ANKH: variants seen among roughly 807,000 people sequenced by gnomAD.
ANKH encodes ANKH inorganic pyrophosphate transport regulator.
A neutral mutation model predicts 49.0 loss-of-function variants in ANKH; 15 were observed. That is an observed-to-expected ratio of 0.31 (90% CI 0.20 to 0.47). The LOEUF (loss-of-function observed/expected upper bound fraction) is 0.47, where lower values mean the gene tolerates loss of function less well. ANKH is among the 20% of genes least tolerant of loss of function. ANKH has a pLI of 1.00. For synonymous variants in ANKH, 273 were observed against 260.0 expected, an observed-to-expected ratio of 1.05 and a Z score of -0.48; for missense variants, 429 against 652.0, an observed-to-expected ratio of 0.66 and a Z score of 3.72.
At chr5:14,857,028 C>G (rs1306652263) in intron 1 of ANKH, among the ~76,000 whole-genome samples, 1 of 152,204 alleles carries the variant, frequency 6.6e-6, no homozygotes, top group Non-Finnish European at 1.5e-5. Context: ...CTGTCTGGAA[C>G]CCTGCAGGAA....
chr5:14,829,132 C>A, intron 1 of ANKH, among the ~76,000 whole-genome samples: 1 of 146,804 alleles, frequency 6.8e-6, no homozygotes, highest in South Asian at 2.1e-4. Context: ...TGCAGTGAGC[C>A]CAAGACTGCG....
At chr5:14,864,670 C>T (rs1283492105) in intron 1 of ANKH, among the ~76,000 whole-genome samples, 1 of 152,200 alleles carries the variant, frequency 6.6e-6, no homozygotes, top group African/African-American at 2.4e-5. Flanking sequence ...CTACTTAATA[C>T]ACAAAGATGT....
At chr5:14,805,821 T>C (rs1384251834) in intron 1 of ANKH, among the ~76,000 whole-genome samples, 1 of 152,036 alleles carries the variant, frequency 6.6e-6, no homozygotes, top group Non-Finnish European at 1.5e-5. Context: ...ATGACCAGTC[T>C]CACACTGGAG....
At chr5:14,831,030 G>T (rs1002010560) in intron 1 of ANKH, among the ~76,000 whole-genome samples, 1 of 152,174 alleles carries the variant, frequency 6.6e-6, no homozygotes, top group Non-Finnish European at 1.5e-5. Flanking sequence ...GGCAAAAAAA[G>T]AATTTTTTGA....
At chr5:14,768,734 TA>T (rs1739329357) in intron 2 of ANKH, 1 of 585,384 alleles carries the variant, frequency 1.7e-6, no homozygotes, top group South Asian at 2.0e-5. Context: ...AATCGCCTAC[TA>T]ATGAAATCAC....
At chr5:14,734,775 C>T (rs570374519) in intron 8 of ANKH, among the ~76,000 whole-genome samples, 2 of 152,236 alleles carry the variant, frequency 1.3e-5, no homozygotes, top group Non-Finnish European at 2.9e-5. Flanking sequence ...TGGCAGAACA[C>T]GGGTGTGTAT....
At chr5:14,712,267 G>A (rs897844103) in intron 11 of ANKH, among the ~76,000 whole-genome samples, 6 of 152,190 alleles carry the variant, frequency 3.9e-5, no homozygotes, top group South Asian at 2.1e-4. Flanking sequence ...CTGCTGCCCC[G>A]GCCTGTTCAC....
chr5:14,719,332 C>T (rs148856290), intron 8 of ANKH, among the ~76,000 whole-genome samples: 69 of 152,342 alleles, frequency 4.5e-4, no homozygotes, highest in African/African-American at 1.5e-3. Flanking sequence ...CTCTCATGCA[C>T]ACTTTTTCAA....
chr5:14,747,881 C>T (rs1346292500), intron 6 of ANKH, among the ~76,000 whole-genome samples: 1 of 152,146 alleles, frequency 6.6e-6, no homozygotes, highest in Non-Finnish European at 1.5e-5. Context: ...AGCACCACCT[C>T]TCCCACGGCT....
chr5:14,748,370 G>A (rs994942272), intron 6 of ANKH, among the ~76,000 whole-genome samples: 4 of 152,228 alleles, frequency 2.6e-5, no homozygotes, highest in Admixed American at 1.3e-4. Context: ...TGCTGACAGC[G>A]CAGTAAGGGC....
chr5:14,830,809 C>A (rs768657868), intron 1 of ANKH, among the ~76,000 whole-genome samples: 2 of 152,062 alleles, frequency 1.3e-5, no homozygotes, highest in African/African-American at 4.8e-5. Flanking sequence ...CACCACTTTA[C>A]CCCCAACATC....
intron 7 of ANKH, among the ~76,000 whole-genome samples, chr5:14,742,980 C>A (rs996274971): frequency 1.3e-5 from 2 of 152,202 alleles, no homozygotes; most frequent in Non-Finnish European, 2.9e-5. Flanking sequence ...AAAACAAACC[C>A]TGAACACCTG....
intron 2 of ANKH, chr5:14,768,356 A>T (rs1465917683): frequency 6.5e-6 from 1 of 154,526 alleles, no homozygotes; most frequent in Non-Finnish European, 1.4e-5. Context: ...TCATGCCCTG[A>T]AGGCTTTATC....
At chr5:14,819,900 T>TACACACACACACAC (rs57977744) in intron 1 of ANKH, among the ~76,000 whole-genome samples, 55 of 145,518 alleles carry the variant, frequency 3.8e-4, no homozygotes, top group African/African-American at 1.3e-3. Context: ...AACAAAAATA[T>TACACACACACACAC]ACACACACAC....
intron 1 of ANKH, among the ~76,000 whole-genome samples, chr5:14,805,789 C>T (rs896846448): frequency 1.3e-5 from 2 of 152,038 alleles, no homozygotes; most frequent in African/African-American, 4.8e-5. Flanking sequence ...GAGACATTCA[C>T]CTTCCCTTGC....
intron 1 of ANKH, among the ~76,000 whole-genome samples, chr5:14,846,362 TA>T (rs1361925703): frequency 2.0e-5 from 3 of 152,224 alleles, no homozygotes; most frequent in Non-Finnish European, 2.9e-5. Flanking sequence ...TTCCTCATTA[TA>T]GAGCAGTGGG....
rs562361408 is a variant in ANKH, at chr5:14,713,794, G to A, written c.1142-127C>T. 1.3e-5 allele frequency: 18 copies of A among 1,343,308 alleles called. No homozygotes were observed. The highest frequency in any genetic ancestry group is 1.2e-4 in the East Asian group (5 of 43,068). The allele number at this position is 1,343,308 out of a possible 1,614,324, so 83.2% of individuals were successfully genotyped here. The stretch of plus-strand genomic sequence containing the variant: ...AGGACCCTGGCCTTGCTGTTGAGCC[G>A]CTGGCCACCTCATCTTCCTGCCAGG... On this transcript the variant is annotated intron_variant, in intron 9 of 11. Coordinates refer to ENST00000284268, the MANE Select transcript of ANKH (RefSeq NM_054027.6). This position sits in a 1 kb window ranked among gnomAD's most constrained non-coding sequence, Gnocchi z 4.4.
chr5:14,862,932 A>T (rs562702036), intron 1 of ANKH, among the ~76,000 whole-genome samples: 1 of 152,342 alleles, frequency 6.6e-6, no homozygotes, highest in African/African-American at 2.4e-5. Flanking sequence ...AAAGGAAGCC[A>T]CCAAAGTTAC....
At chr5:14,814,118 G>C (rs1022434577) in intron 1 of ANKH, among the ~76,000 whole-genome samples, 2 of 152,170 alleles carry the variant, frequency 1.3e-5, no homozygotes, top group South Asian at 4.1e-4. Flanking sequence ...CAGAATCAAT[G>C]ATCCCTTTCC....
Sources: gnomAD v4.1 joint callset for allele counts (sites outside exome capture counted in the v4.1 genomes callset) on GRCh38, gnomAD v4.1.1 for gene constraint, Gnocchi (gnomAD v3.1) non-coding constraint, MANE v1.5 for transcripts, NCBI Gene and HGNC (gene_info 2026-07-23, HGNC 2026-07-21) for gene names.